Variants in ITPR1 observed in about 807,000 individuals in gnomAD.
ITPR1 encodes inositol 1,4,5-trisphosphate-gated calcium channel ITPR1.
Under a neutral mutation model 318.4 loss-of-function variants are expected in ITPR1, and 96 were observed. The ratio of observed to expected loss-of-function variants is 0.30; its 90% CI spans 0.26 to 0.36. The LOEUF (loss-of-function observed/expected upper bound fraction) is 0.36. ITPR1 is among the 10% of genes least tolerant of loss of function. The pLI is 1.00. For synonymous variants in ITPR1, 1,312 were observed against 1,289.9 expected (o/e 1.02, Z -0.37); for missense variants, 2,440 against 3,460.2 (o/e 0.71, Z 7.40).
At chr3:4,807,896 A>G (rs1358936748) in intron 55 of ITPR1, among the ~76,000 whole-genome samples, 1 of 152,206 alleles carries the variant, frequency 6.6e-6, no homozygotes, top group Non-Finnish European at 1.5e-5. Context: ...GGCAGAGTTC[A>G]GTTGGTGGTC....
chr3:4,819,875 A>T (rs941132695), intron 60 of ITPR1, among the ~76,000 whole-genome samples: 7 of 152,268 alleles, frequency 4.6e-5, no homozygotes, highest in African/African-American at 1.2e-4. Flanking sequence ...ATGATGGCTT[A>T]TCCCTTTTAC....
At chr3:4,672,309 C>T (rs147911038) in intron 20 of ITPR1, among the ~76,000 whole-genome samples, 1 of 152,194 alleles carries the variant, frequency 6.6e-6, no homozygotes, top group East Asian at 1.9e-4. Context: ...CCTTGAATAT[C>T]ATGATGCTTT....
chr3:4,592,579 T>G (rs2090476005), intron 4 of ITPR1, among the ~76,000 whole-genome samples: 1 of 152,112 alleles, frequency 6.6e-6, no homozygotes, highest in African/African-American at 2.4e-5. Flanking sequence ...TGCTGTCATG[T>G]CTCCAGGGGC....
chr3:4,748,251 A>C (rs6786487), intron 44 of ITPR1, among the ~76,000 whole-genome samples: 127,943 of 152,140 alleles, frequency 0.84, 54,097 homozygotes, highest in East Asian at 1. Flanking sequence ...TTACATGAGT[A>C]CAATGTGAGG....
chr3:4,508,706 A>G (rs1196134022), intron 2 of ITPR1, among the ~76,000 whole-genome samples: 1 of 152,126 alleles, frequency 6.6e-6, no homozygotes, highest in Non-Finnish European at 1.5e-5. Context: ...AGAGTGGAAG[A>G]GGTTCTAAAT....
chr3:4,672,677 A>G (rs1422787179), intron 20 of ITPR1, among the ~76,000 whole-genome samples: 1 of 152,234 alleles, frequency 6.6e-6, no homozygotes, highest in Non-Finnish European at 1.5e-5. Flanking sequence ...AGTGACTTAC[A>G]TGATATAAGA....
chr3:4,794,938 C>G, intron 52 of ITPR1, 127 bp from the exon 53 acceptor site: 2 of 1,028,126 alleles, frequency 1.9e-6, no homozygotes, highest in Non-Finnish European at 2.7e-6. Context: ...ATCATTTTTA[C>G]TCTTGTGGTA....
Position 4,826,381 on chromosome 3 carries a change from C to T in ITPR1, c.8028+8139C>T. ...AAGCCCTTAACCATGGGTGAGGATA[C>T]AGCCTGTGCTGCCTGCCAAATACGA... On this transcript the variant is annotated intron_variant, in intron 60 of 61. Transcript: ENST00000649015. The surrounding 1 kb of genome is among the most constrained non-coding windows in gnomAD (Gnocchi z 4.2). 6.6e-6 allele frequency among the ~76,000 whole-genome samples: 1 copy of T among 152,238 alleles called. No homozygotes were observed. The highest frequency in any genetic ancestry group is 2.4e-5 in the African/African-American group (1 of 41,466).
intron 52 of ITPR1, among the ~76,000 whole-genome samples, chr3:4,791,964 T>C (rs1178906190): frequency 6.6e-6 from 1 of 152,104 alleles, no homozygotes; most frequent in African/African-American, 2.4e-5. Flanking sequence ...GTTCTGGAGG[T>C]CAGAAGTCTG....
intron 2 of ITPR1, among the ~76,000 whole-genome samples, chr3:4,501,385 G>A (rs1345017597): frequency 3.3e-5 from 5 of 152,330 alleles, no homozygotes; most frequent in African/African-American, 1.2e-4. Flanking sequence ...CCCCAGACCA[G>A]CGTTACTGAC....
intron 4 of ITPR1, among the ~76,000 whole-genome samples, chr3:4,588,461 G>A (rs1238918054): frequency 2.0e-5 from 3 of 151,896 alleles, no homozygotes; most frequent in African/African-American, 7.3e-5. Context: ...ACAGTTCTCT[G>A]CTGGTTCTCC....
intron 4 of ITPR1, among the ~76,000 whole-genome samples, chr3:4,619,878 C>A: frequency 6.9e-6 from 1 of 145,826 alleles, no homozygotes; most frequent in Non-Finnish European, 1.5e-5. Flanking sequence ...CTTCCCCTTC[C>A]ATTTCTCTTT....
At chr3:4,753,536 G>A (rs984645316) in intron 44 of ITPR1, among the ~76,000 whole-genome samples, 3 of 152,076 alleles carry the variant, frequency 2.0e-5, no homozygotes, top group Admixed American at 6.5e-5. Context: ...GATGCAGGGT[G>A]GGGAGACATG....
intron 25 of ITPR1, among the ~76,000 whole-genome samples, chr3:4,681,033 T>A (rs1474629043): frequency 6.6e-6 from 1 of 152,136 alleles, no homozygotes; most frequent in Non-Finnish European, 1.5e-5. Flanking sequence ...CAGCTTTTAC[T>A]CACTTTGGAA....
In ITPR1 at chr3:4,768,833, G is replaced by T. The variant is rs1038571663; in HGVS notation, c.5979+69G>T. 1.2e-5 allele frequency: 18 copies of T among 1,462,058 alleles called. No individual in the cohort carries two copies. The Admixed American group carries it at 2.0e-4, about 16-fold the overall frequency. The allele number at this position is 1,462,058 out of a possible 1,614,324, so 90.6% of individuals were successfully genotyped here. A position where few individuals can be genotyped will look rare whatever the true frequency, so the allele number is the denominator to read the frequency against. ...CTGCCAAGGCCTGCCTTCCTCTGATGGTTCAGCACCTCTCACTTGGGCCAG... is the reference window on the plus strand; with the variant it reads ...CTGCCAAGGCCTGCCTTCCTCTGATTGTTCAGCACCTCTCACTTGGGCCAG... On this transcript the variant is annotated intron_variant, in intron 46 of 61. Coordinates refer to ENST00000649015, the MANE Select transcript of ITPR1 (RefSeq NM_001378452.1).
chr3:4,697,315 G>GATGT, intron 34 of ITPR1, 43 bp downstream of exon 34: 4 of 863,060 alleles, frequency 4.6e-6, no homozygotes, highest in Non-Finnish European at 6.8e-6. Flanking sequence ...GAGAGTGAGA[G>GATGT]GTGTGTGTGT....
intron 4 of ITPR1, among the ~76,000 whole-genome samples, chr3:4,582,648 A>G (rs1459814915): frequency 5.3e-5 from 8 of 152,210 alleles, no homozygotes; most frequent in Admixed American, 3.3e-4. Flanking sequence ...CAGACTAGCA[A>G]TTGACTGGAC....
At chr3:4,695,261 G>C (rs1395715390) in intron 33 of ITPR1, among the ~76,000 whole-genome samples, 1 of 152,152 alleles carries the variant, frequency 6.6e-6, no homozygotes, top group African/African-American at 2.4e-5. Context: ...TCATATATCT[G>C]GCAGGTGAAA....
chr3:4,761,416 C>T (rs1410427372), intron 44 of ITPR1, among the ~76,000 whole-genome samples: 1 of 152,220 alleles, frequency 6.6e-6, no homozygotes, highest in African/African-American at 2.4e-5. Context: ...CCAGCTGCAT[C>T]CATTTTGCTG....
Sources: allele counts gnomAD v4.1 joint callset (sites outside exome capture counted in the v4.1 genomes callset), GRCh38; gene constraint gnomAD v4.1.1; non-coding constraint Gnocchi (gnomAD v3.1); transcripts MANE v1.5; gene names NCBI Gene and HGNC (gene_info 2026-07-23, HGNC 2026-07-21).